Variants in MECOM observed in about 807,000 individuals in gnomAD.
MECOM encodes MDS1 and EVI1 complex locus.
In MECOM, 13 loss-of-function variants were observed where a neutral mutation model predicts 116.3. That is an observed-to-expected ratio of 0.11 (90% confidence interval 0.07 to 0.18). MECOM has a LOEUF of 0.18. MECOM is among the 10% of genes least tolerant of loss of function. The pLI is 1.00. For synonymous variants in MECOM, 528 were observed against 535.2 expected (o/e 0.99, Z 0.19); for missense variants, 1,299 against 1,509.0 (o/e 0.86, Z 2.31).
At chr3:169,267,351 A>G (rs895867944) in intron 2 of MECOM, among the ~76,000 whole-genome samples, 2 of 152,216 alleles carry the variant, frequency 1.3e-5, no homozygotes, top group Non-Finnish European at 2.9e-5. Context: ...TTGCCTTTCC[A>G]TAGACCGTAT....
At chr3:169,479,398 G>C (rs1293496172) in intron 1 of MECOM, among the ~76,000 whole-genome samples, 2 of 151,890 alleles carry the variant, frequency 1.3e-5, no homozygotes, top group African/African-American at 2.4e-5. Context: ...GTTTGGGTTG[G>C]TGGAGGAAAG....
At chr3:169,655,808 C>T (rs1022538244) in intron 1 of MECOM, among the ~76,000 whole-genome samples, 8 of 152,140 alleles carry the variant, frequency 5.3e-5, no homozygotes, top group African/African-American at 1.4e-4. Flanking sequence ...GTTTCTTCTT[C>T]AGAAAATTTA....
chr3:169,164,976 G>A (rs527840371), intron 2 of MECOM, among the ~76,000 whole-genome samples: 1 of 152,260 alleles, frequency 6.6e-6, no homozygotes, highest in African/African-American at 2.4e-5. Context: ...TCCTAGTAAA[G>A]TTCCCTGACA....
At chr3:169,167,625 C>T (rs1378441599) in intron 2 of MECOM, among the ~76,000 whole-genome samples, 1 of 152,176 alleles carries the variant, frequency 6.6e-6, no homozygotes, top group African/African-American at 2.4e-5. Flanking sequence ...CATCTTCTAA[C>T]TCCTCCTCCA....
intron 2 of MECOM, among the ~76,000 whole-genome samples, chr3:169,247,921 T>C (rs1229791284): frequency 6.6e-6 from 1 of 152,214 alleles, no homozygotes; most frequent in Non-Finnish European, 1.5e-5. Context: ...AAACCTGAAA[T>C]TTGGGTCAAT....
chr3:169,360,949 G>A (rs369123503), intron 2 of MECOM, among the ~76,000 whole-genome samples: 43 of 151,918 alleles, frequency 2.8e-4, no homozygotes, highest in African/African-American at 1.0e-3. Context: ...ACTTCTCCAT[G>A]CTAGAGAAAA....
rs563000058 is a variant in MECOM, at chr3:169,546,569, C to T, written c.37+116767G>A. Reference sequence around the variant, plus strand: ...GAGTTTGCACATGCCCTGCCTCCTACGGAAAGAATAATGGCATGTGGCACT... The same window carrying T: ...GAGTTTGCACATGCCCTGCCTCCTATGGAAAGAATAATGGCATGTGGCACT... On this transcript the variant is annotated intron_variant, in intron 1 of 16. Transcript: ENST00000651503. Among the ~76,000 whole-genome samples the T allele has an allele frequency of 2.2e-4, 33 of 152,274 alleles. No homozygotes were observed. The East Asian group carries it at 5.6e-3, about 26-fold the overall frequency.
At chr3:169,594,154 CAA>C (rs34331048) in intron 1 of MECOM, among the ~76,000 whole-genome samples, 125 of 45,704 alleles carry the variant, frequency 2.7e-3, no homozygotes, top group African/African-American at 0.013. Context: ...ACCACCACCA[CAA>C]AAAAAAAAAA....
chr3:169,359,268 C>T (rs1467220400), intron 2 of MECOM, among the ~76,000 whole-genome samples: 1 of 151,726 alleles, frequency 6.6e-6, no homozygotes, highest in African/African-American at 2.4e-5. Flanking sequence ...TTGGACTATA[C>T]ATAGAAACCA....
Position 169,542,198 on chromosome 3 carries a change from T to A in MECOM, c.37+121138A>T, listed in dbSNP as rs568390774. Among the ~76,000 whole-genome samples the A allele has an allele frequency of 1.6e-4, 24 of 152,312 alleles. No individual in the cohort carries two copies. In the East Asian group the frequency reaches 2.1e-3, roughly 13 times the overall value. On this transcript the variant is annotated intron_variant, in intron 1 of 16. Transcript: ENST00000651503. ...GTAAAATATTAAATATACTCTTTTT[T>A]AAAATATTTACCAGTTAAACACTAA...
rs937825548 is a variant in MECOM, at chr3:169,154,177, A to G, written c.376-10345T>C. 2.6e-5 allele frequency among the ~76,000 whole-genome samples: 4 copies of G among 152,118 alleles called. No homozygotes were observed. The South Asian group carries it at 8.3e-4, about 32-fold the overall frequency. On this transcript the variant is annotated intron_variant, in intron 2 of 16. Coordinates refer to ENST00000651503, the MANE Select transcript of MECOM (RefSeq NM_004991.4). ...CAGTCAGTAAGAGAGAGTATTCTGC[A>G]GCAAAGGTGGAATACCATTGAGTTC...
intron 1 of MECOM, among the ~76,000 whole-genome samples, chr3:169,659,440 ATTTTTTTTTTTTTTTTTTT>A (rs56270349): frequency 8.0e-5 from 5 of 62,138 alleles, no homozygotes; most frequent in East Asian, 1.6e-3. Flanking sequence ...CTAAACACAG[ATTTTTTTTTTTTTTTTTTT>A]TTTTTTTTTT....
At chr3:169,252,770 A>G (rs967700899) in intron 2 of MECOM, among the ~76,000 whole-genome samples, 2 of 152,192 alleles carry the variant, frequency 1.3e-5, no homozygotes, top group African/African-American at 4.8e-5. Context: ...GTGGTTTTAG[A>G]AAGGCAAAGC....
intron 2 of MECOM, among the ~76,000 whole-genome samples, chr3:169,344,229 A>C (rs1448370342): frequency 6.6e-6 from 1 of 152,136 alleles, no homozygotes; most frequent in African/African-American, 2.4e-5. Context: ...TGTAAATGAC[A>C]TATATGTGTT....
chr3:169,325,071 G>A (rs1436389381), intron 2 of MECOM, among the ~76,000 whole-genome samples: 2 of 152,092 alleles, frequency 1.3e-5, no homozygotes, highest in East Asian at 3.8e-4. Flanking sequence ...AACCTACCAT[G>A]GGTTTGAGAA....
At chr3:169,238,421 G>C (rs1754369866) in intron 2 of MECOM, among the ~76,000 whole-genome samples, 1 of 152,054 alleles carries the variant, frequency 6.6e-6, no homozygotes, top group Admixed American at 6.6e-5. Flanking sequence ...TGAAACATGA[G>C]AGAGCATCAA....
At chr3:169,429,070 C>G (rs1053219425) in intron 1 of MECOM, among the ~76,000 whole-genome samples, 5 of 152,176 alleles carry the variant, frequency 3.3e-5, no homozygotes, top group African/African-American at 1.2e-4. Context: ...TAAGGATATA[C>G]AAAAGATATC....
intron 2 of MECOM, among the ~76,000 whole-genome samples, chr3:169,180,066 C>T (rs1278130788): frequency 1.3e-5 from 2 of 152,116 alleles, no homozygotes; most frequent in Non-Finnish European, 2.9e-5. Context: ...TTTCGGAATT[C>T]CTTTTTAATT....
chr3:169,536,099 A>G (rs1759314710), intron 1 of MECOM, among the ~76,000 whole-genome samples: 1 of 152,152 alleles, frequency 6.6e-6, no homozygotes, highest in Admixed American at 6.5e-5. Flanking sequence ...GTCCTGGTTC[A>G]GCCACCACTG....
Sources: allele counts gnomAD v4.1 joint callset (sites outside exome capture counted in the v4.1 genomes callset), GRCh38; gene constraint gnomAD v4.1.1; transcripts MANE v1.5; gene names NCBI Gene and HGNC (gene_info 2026-07-23, HGNC 2026-07-21).